SEMA3A: variants seen among roughly 807,000 people sequenced by gnomAD.
SEMA3A encodes semaphorin 3A, also known as semaphorin-3A.
In SEMA3A, 29 loss-of-function variants were observed where a neutral mutation model predicts 97.9. That is an observed-to-expected ratio of 0.30 (90% CI 0.22 to 0.40). The LOEUF (loss-of-function observed/expected upper bound fraction) is 0.40. Among genes scored for constraint, SEMA3A ranks in the 10% least tolerant of loss-of-function variants. SEMA3A has a pLI of 1.00. For synonymous variants in SEMA3A, 321 were observed against 323.7 expected, an observed-to-expected ratio of 0.99 and a Z score of 0.09; for missense variants, 763 against 951.3, an observed-to-expected ratio of 0.80 and a Z score of 2.60.
At chr7:84,037,539 T>G (rs1169887829) in intron 6 of SEMA3A, among the ~76,000 whole-genome samples, 1 of 152,114 alleles carries the variant, frequency 6.6e-6, no homozygotes, top group East Asian at 1.9e-4. Context: ...TTAAAATAAT[T>G]CAGAGAAATC....
intron 3 of SEMA3A, among the ~76,000 whole-genome samples, chr7:84,242,612 T>C (rs1159363062): frequency 6.6e-6 from 1 of 152,136 alleles, no homozygotes; most frequent in Non-Finnish European, 1.5e-5. Context: ...GAATACCCCT[T>C]GAATACCCTA....
intron 6 of SEMA3A, among the ~76,000 whole-genome samples, chr7:84,044,082 G>A (rs1792248923): frequency 6.6e-6 from 1 of 151,932 alleles, no homozygotes; most frequent in Non-Finnish European, 1.5e-5. Context: ...GTACTTAGTA[G>A]ATCAAAGTCT....
At chr7:84,006,188 T>G (rs1790659070) in intron 10 of SEMA3A, among the ~76,000 whole-genome samples, 2 of 152,184 alleles carry the variant, frequency 1.3e-5, no homozygotes, top group Middle Eastern at 3.4e-3. Context: ...CTAAATGCAA[T>G]TAATCTTTCT....
chr7:84,108,526 T>C (rs751414752), intron 4 of SEMA3A, among the ~76,000 whole-genome samples: 32 of 152,276 alleles, frequency 2.1e-4, no homozygotes, highest in Middle Eastern at 3.4e-3. Flanking sequence ...ATATTTCCAG[T>C]GCTCCACAGC....
intron 2 of SEMA3A, among the ~76,000 whole-genome samples, chr7:84,331,475 C>T (rs1279096619): frequency 6.6e-6 from 1 of 151,948 alleles, no homozygotes; most frequent in Non-Finnish European, 1.5e-5. Context: ...TTTTCATTGC[C>T]CCTTATCTAC....
intron 1 of SEMA3A, among the ~76,000 whole-genome samples, chr7:84,172,797 G>A (rs889347882): frequency 1.3e-5 from 2 of 152,162 alleles, no homozygotes; most frequent in Admixed American, 6.5e-5. Context: ...CAGCAGGCTG[G>A]ATTTAGCCCA....
chr7:84,339,210 T>G (rs1248612694), intron 2 of SEMA3A, among the ~76,000 whole-genome samples: 2 of 152,084 alleles, frequency 1.3e-5, no homozygotes, highest in East Asian at 3.8e-4. Context: ...GTTTGTGTGT[T>G]GAAAAGATGT....
chr7:84,322,544 T>A (rs1801673853), intron 2 of SEMA3A, among the ~76,000 whole-genome samples: 1 of 152,022 alleles, frequency 6.6e-6, no homozygotes, highest in Admixed American at 6.5e-5. Flanking sequence ...ATCTGATGGC[T>A]TTGTAAATGG....
chr7:84,199,762 A>G (rs2116293290), upstream of SEMA3A, among the ~76,000 whole-genome samples: 1 of 152,166 alleles, frequency 6.6e-6, no homozygotes, highest in Middle Eastern at 3.4e-3. Context: ...TGGGTGAAAA[A>G]ATTCTTTAGA....
At chr7:83,966,539 A>G (rs1788699390) in intron 15 of SEMA3A, among the ~76,000 whole-genome samples, 1 of 152,126 alleles carries the variant, frequency 6.6e-6, no homozygotes, top group African/African-American at 2.4e-5. Context: ...TGTCCAACAA[A>G]AAGAAACAGA....
At chr7:84,268,565 G>T (rs1448562234) in intron 3 of SEMA3A, among the ~76,000 whole-genome samples, 1 of 151,822 alleles carries the variant, frequency 6.6e-6, no homozygotes, top group Non-Finnish European at 1.5e-5. Flanking sequence ...GGATAAATTG[G>T]GTTGGCTTCG....
chr7:84,103,996 G>T (rs1343607385), intron 4 of SEMA3A, among the ~76,000 whole-genome samples: 2 of 152,070 alleles, frequency 1.3e-5, no homozygotes, highest in Non-Finnish European at 2.9e-5. Flanking sequence ...ATGAGAAAGA[G>T]TAAGTAGGAG....
At chr7:84,227,394 A>C (rs1019420378) in intron 3 of SEMA3A, among the ~76,000 whole-genome samples, 1 of 152,014 alleles carries the variant, frequency 6.6e-6, no homozygotes, top group Non-Finnish European at 1.5e-5. Flanking sequence ...AAACAACAGC[A>C]AAACTAAAAA....
intron 1 of SEMA3A, chr7:84,371,944 G>C (rs1442509616): frequency 5.3e-5 from 8 of 151,892 alleles, no homozygotes; most frequent in Non-Finnish European, 1.2e-4. Flanking sequence ...TTTGAACTTT[G>C]ACGCAAACTT....
rs567237662 is a variant in SEMA3A, at chr7:84,004,180, A to G, written c.1360+1159T>C. Among the ~76,000 whole-genome samples, 6 of 152,210 alleles carry G rather than the reference A, an allele frequency of 3.9e-5. No individual in the cohort carries two copies. The South Asian group carries it at 1.2e-3, about 32-fold the overall frequency. On this transcript the variant is annotated intron_variant, in intron 11 of 16. Coordinates refer to ENST00000265362, the MANE Select transcript of SEMA3A (RefSeq NM_006080.3). ...CAGCGTTAATGGAGACTAGAAATTT[A>G]TTACCTTGGAATCTGACCCTAAGTA...
chr7:84,063,937 C>T (rs371987765), intron 4 of SEMA3A, among the ~76,000 whole-genome samples: 3 of 150,706 alleles, frequency 2.0e-5, no homozygotes, highest in Admixed American at 1.3e-4. Flanking sequence ...AGATACTCCT[C>T]GAGAAGAGCA....
At chr7:84,056,653 C>T (rs1211713047) in intron 5 of SEMA3A, among the ~76,000 whole-genome samples, 4 of 151,802 alleles carry the variant, frequency 2.6e-5, no homozygotes, top group African/African-American at 7.3e-5. Context: ...ACACAGAGCA[C>T]GGATGCAATC....
chr7:84,079,539 C>A (rs1178181064), intron 4 of SEMA3A, among the ~76,000 whole-genome samples: 1 of 152,062 alleles, frequency 6.6e-6, no homozygotes, highest in African/African-American at 2.4e-5. Flanking sequence ...AAAAGTGGGC[C>A]AAGGATATGA....
intron 12 of SEMA3A, among the ~76,000 whole-genome samples, chr7:83,988,778 T>C (rs1789750306): frequency 6.6e-6 from 1 of 152,010 alleles, no homozygotes; most frequent in Admixed American, 6.5e-5. Flanking sequence ...CTATCAACTT[T>C]TTCTATGCAG....
Sources: gnomAD v4.1 joint callset for allele counts (sites outside exome capture counted in the v4.1 genomes callset) on GRCh38, gnomAD v4.1.1 for gene constraint, MANE v1.5 for transcripts, NCBI Gene and HGNC (gene_info 2026-07-23, HGNC 2026-07-21) for gene names.